ADGRB1: variants seen among roughly 807,000 people sequenced by gnomAD.
ADGRB1 encodes brain-specific angiogenesis inhibitor 1.
ADGRB1 carries 36 observed loss-of-function variants against 175.7 expected under a neutral mutation model. The ratio of observed to expected loss-of-function variants is 0.20; its 90% CI spans 0.16 to 0.27. The LOEUF (loss-of-function observed/expected upper bound fraction) is 0.27. ADGRB1 is among the 10% of genes least tolerant of loss of function. The pLI is 1.00. For synonymous variants in ADGRB1, 1,054 were observed against 979.4 expected, an observed-to-expected ratio of 1.08 and a Z score of -1.42; for missense variants, 1,731 against 2,255.3, an observed-to-expected ratio of 0.77 and a Z score of 4.71.
intron 17 of ADGRB1, among the ~76,000 whole-genome samples, chr8:142,494,392 T>C (rs1191035573): frequency 1.3e-5 from 2 of 152,092 alleles, no homozygotes; most frequent in Non-Finnish European, 2.9e-5. Context: ...CTGACCTTGG[T>C]CATACACTGG....
At chr8:142,461,829 GGCTGA>G (rs1316993901) in intron 1 of ADGRB1, among the ~76,000 whole-genome samples, 1 of 152,168 alleles carries the variant, frequency 6.6e-6, no homozygotes, top group African/African-American at 2.4e-5. Context: ...CAGTGAGGCT[GGCTGA>G]CCTGTGGAGG....
rs1840172767 is a variant in ADGRB1 at position 142,464,845 on chromosome 8, TGGGCGGCGAGGC to T, written c.655_666del (p.Glu219_Gly222del). Reference sequence around the variant, plus strand: ...ATCATGCAGACCCCCTGCGCCTGCCTGGGCGGCGAGGCGGGCGGCCCTGCCGCGGGACCCCTG... The same window carrying T: ...ATCATGCAGACCCCCTGCGCCTGCCTGGGCGGCCCTGCCGCGGGACCCCTG... On this transcript the variant is annotated inframe_deletion, in exon 2 of 31. Transcript: ENST00000517894. 1.2e-5 allele frequency: 18 copies of T among 1,524,650 alleles called. No individual in the cohort carries two copies. Among genetic ancestry groups the T allele is most frequent in the Non-Finnish European group, 1.5e-5 (17 of 1,141,636 alleles). The allele number at this position is 1,524,650 out of a possible 1,614,324, so 94.4% of individuals were successfully genotyped here. A position where few individuals can be genotyped will look rare whatever the true frequency, so the allele number is the denominator to read the frequency against.
rs1354656433 is a variant in ADGRB1 at position 142,455,989 on chromosome 8, G to T, written c.-220+5885G>T. Among the ~76,000 whole-genome samples, 1 of 152,218 alleles carries T rather than the reference G, an allele frequency of 6.6e-6. No individual in the cohort carries two copies. Among genetic ancestry groups the T allele is most frequent in the South Asian group, 2.1e-4 (1 of 4,820 alleles). ...CCTGTGTAGTGCCAGGGAGGGTAGG[G>T]CTGTCCAGGCAAGTCTTGGTGAGGC... On this transcript the variant is annotated intron_variant, in intron 1 of 30. Transcript: ENST00000517894. This position sits in a 1 kb window ranked among gnomAD's most constrained non-coding sequence, Gnocchi z 4.9.
chr8:142,480,221 G>T (rs919980811), intron 9 of ADGRB1, among the ~76,000 whole-genome samples: 3 of 152,196 alleles, frequency 2.0e-5, no homozygotes, highest in African/African-American at 7.2e-5. Flanking sequence ...GGCCTCCTTT[G>T]CTCCTCCTTT....
Position 142,543,516 on chromosome 8 carries a change from CGGCAGCCAGGGGACGGGCGG to C in ADGRB1, c.4450-79_4450-60del. ...GCTCCCACACGGCCAGGCAGCTCCC[CGGCAGCCAGGGGACGGGCGG>C]GGCAGGCAGGATGGGCCATGCCCTC... On this transcript the variant is annotated intron_variant, in intron 29 of 30. Coordinates refer to ENST00000517894, the MANE Select transcript of ADGRB1 (RefSeq NM_001702.3). The surrounding 1 kb of genome is among the most constrained non-coding windows in gnomAD (Gnocchi z 4.4). 1 of 1,605,044 alleles carries C rather than the reference CGGCAGCCAGGGGACGGGCGG, an allele frequency of 6.2e-7. No homozygotes were observed. The highest frequency in any genetic ancestry group is 8.5e-7 in the Non-Finnish European group (1 of 1,175,268).
At chr8:142,463,132 T>C (rs537900560) in intron 1 of ADGRB1, among the ~76,000 whole-genome samples, 22 of 152,310 alleles carry the variant, frequency 1.4e-4, no homozygotes, top group Admixed American at 1.2e-3. Flanking sequence ...GAAGTAATGC[T>C]AGCCTTGCAG....
intron 23 of ADGRB1, among the ~76,000 whole-genome samples, chr8:142,525,670 A>C (rs921630969): frequency 1.3e-5 from 2 of 152,146 alleles, no homozygotes; most frequent in Non-Finnish European, 2.9e-5. Context: ...CCTGAGCTGG[A>C]GGGCTACACG....
rs1839245615 is a variant in ADGRB1 at position 142,450,073 on chromosome 8, C to T, written c.-251C>T. The T allele has an allele frequency of 6.7e-6, 1 of 149,208 alleles. No individual in the cohort carries two copies. The highest frequency in any genetic ancestry group is 2.1e-4 in the South Asian group (1 of 4,710). The allele number at this position is 149,208 out of a possible 1,614,324, so 9.2% of individuals were successfully genotyped here. A position where few individuals can be genotyped will look rare whatever the true frequency, so the allele number is the denominator to read the frequency against. On this transcript the variant is annotated 5_prime_UTR_variant, in exon 1 of 31. Coordinates refer to ENST00000517894, the MANE Select transcript of ADGRB1 (RefSeq NM_001702.3). ...GGATTTGCAACTCGCCGGATCGAGT[C>T]CTCGCCGGCGGGGCCGCTGCTGCTG...
rs555196268 is a variant in ADGRB1 at position 142,489,004 on chromosome 8, G to A, written c.2453-31G>A. 28 of 1,604,564 alleles carry A rather than the reference G, an allele frequency of 1.7e-5. No homozygotes were observed. In the Middle Eastern group the frequency reaches 6.6e-4, roughly 38 times the overall value. On this transcript the variant is annotated intron_variant, in intron 14 of 30. Transcript: ENST00000517894. ...GTCCCACCCTGGCTGTGGGGATGGC[G>A]GGCCGGGGTTGACAGTGCACTTTCT...
In ADGRB1 at chr8:142,544,558, G is replaced by A; in HGVS notation, c.*141G>A. ...CTCAGGGCGCTCAGACGGCGGCCAG[G>A]CACAGGGCCCGCAGTGCTGGGACCA... On this transcript the variant is annotated 3_prime_UTR_variant, in exon 31 of 31. Coordinates refer to ENST00000517894, the MANE Select transcript of ADGRB1 (RefSeq NM_001702.3). The A allele has an allele frequency of 2.0e-6, 2 of 1,020,218 alleles. No individual in the cohort carries two copies. Among genetic ancestry groups the A allele is most frequent in the Non-Finnish European group, 2.6e-6 (2 of 756,934 alleles). The allele number at this position is 1,020,218 out of a possible 1,614,324, so 63.2% of individuals were successfully genotyped here. A position where few individuals can be genotyped will look rare whatever the true frequency, so the allele number is the denominator to read the frequency against.
intron 24 of ADGRB1, among the ~76,000 whole-genome samples, chr8:142,527,667 A>G (rs2132173686): frequency 6.6e-6 from 1 of 152,196 alleles, no homozygotes; most frequent in East Asian, 1.9e-4. Flanking sequence ...CCTGTCCCAC[A>G]CTGCTCCCAA....
At chr8:142,484,152 G>A in intron 12 of ADGRB1, 107 bp downstream of exon 12, 1 of 933,608 alleles carries the variant, frequency 1.1e-6, no homozygotes, top group Middle Eastern at 2.7e-4. Flanking sequence ...CGGGTGCTCT[G>A]GGTTTGGATC....
intron 1 of ADGRB1, among the ~76,000 whole-genome samples, chr8:142,460,584 A>G (rs1839921576): frequency 2.0e-5 from 3 of 152,068 alleles, no homozygotes; most frequent in Admixed American, 2.0e-4. Context: ...GTGGAACCCC[A>G]GGGCTTCAAG....
intron 1 of ADGRB1, among the ~76,000 whole-genome samples, chr8:142,457,880 G>A (rs188313037): frequency 8.3e-4 from 127 of 152,320 alleles, no homozygotes; most frequent in African/African-American, 2.9e-3. Context: ...GTGGGGGACC[G>A]TGCTGCCTCT....
rs969964948 is a variant in ADGRB1, at chr8:142,504,500, G to A, written c.2676-6432G>A. On this transcript the variant is annotated intron_variant, in intron 17 of 30. Coordinates refer to ENST00000517894, the MANE Select transcript of ADGRB1 (RefSeq NM_001702.3). This position sits in a 1 kb window ranked among gnomAD's most constrained non-coding sequence, Gnocchi z 5.6. ...TCGCGGGGGGCTCTGGCTGCTGGGT[G>A]AGGCAGAACACAGGGAGGGGAGCCC... is the stretch of plus-strand genomic sequence containing the variant. Among the ~76,000 whole-genome samples, 1 of 152,184 alleles carries A rather than the reference G, an allele frequency of 6.6e-6. No individual in the cohort carries two copies. Among genetic ancestry groups the A allele is most frequent in the Non-Finnish European group, 1.5e-5 (1 of 68,016 alleles).
chr8:142,479,195 C>T (rs1042240980), intron 7 of ADGRB1, 128 bp from the exon 8 acceptor site: 2 of 1,091,636 alleles, frequency 1.8e-6, no homozygotes, highest in South Asian at 2.9e-5. Flanking sequence ...GCCCCACATT[C>T]CTGGGTCCCT....
In ADGRB1 at chr8:142,479,339, G is replaced by A; in HGVS notation, c.1578G>A (p.Gln526=). 6.6e-7 allele frequency: 1 copy of A among 1,521,520 alleles called. No homozygotes were observed. Among genetic ancestry groups the A allele is most frequent in the Non-Finnish European group, 8.8e-7 (1 of 1,138,896 alleles). 94.3% of individuals were successfully genotyped at this position (1,521,520 alleles called of 1,614,324 possible). A position where few individuals can be genotyped will look rare whatever the true frequency, so the allele number is the denominator to read the frequency against. Residue 526 remains glutamine, a synonymous_variant, in exon 8 of 31, where the codon CAG becomes CAA. Transcript: ENST00000517894. Reference sequence around the variant, plus strand: ...GCCCCGCAGTGGATGGCAAGTGGCAGGCCTGGGCGTCATGGGGCAGTTGCA... The same window carrying A: ...GCCCCGCAGTGGATGGCAAGTGGCAAGCCTGGGCGTCATGGGGCAGTTGCA... ...LQQCPVDGKW[Q]AWASWGSCSV...
At chr8:142,470,862 G>A (rs12548460) in intron 2 of ADGRB1, among the ~76,000 whole-genome samples, 2 of 152,142 alleles carry the variant, frequency 1.3e-5, no homozygotes, top group African/African-American at 4.8e-5. Flanking sequence ...CACTCACTCT[G>A]GAGGCTGTTG....
intron 13 of ADGRB1, among the ~76,000 whole-genome samples, chr8:142,486,668 C>T (rs536460968): frequency 2.0e-5 from 3 of 152,316 alleles, no homozygotes; most frequent in African/African-American, 7.2e-5. Flanking sequence ...ATGTCCAAGA[C>T]GGATCGACAT....
Sources: gnomAD v4.1 joint callset for allele counts (sites outside exome capture counted in the v4.1 genomes callset) on GRCh38, gnomAD v4.1.1 for gene constraint, Gnocchi (gnomAD v3.1) non-coding constraint, MANE v1.5 for transcripts, NCBI Gene and HGNC (gene_info 2026-07-23, HGNC 2026-07-21) for gene names.